The following HSPA1L variants were observed in gnomAD, a reference collection of about 807,000 sequenced individuals.
HSPA1L encodes the protein heat shock 70 kDa protein 1-like.
A neutral mutation model predicts 31.5 loss-of-function variants in HSPA1L; 21 were observed. That is an observed-to-expected ratio of 0.67 (90% CI 0.47 to 0.96). The LOEUF (loss-of-function observed/expected upper bound fraction) is 0.96, where lower values mean the gene tolerates loss of function less well. HSPA1L is among the 40% of genes least tolerant of loss of function. The pLI, the probability that HSPA1L is intolerant of heterozygous loss-of-function variation, is 0.00. For synonymous variants in HSPA1L, 293 were observed against 323.1 expected, an observed-to-expected ratio of 0.91 and a Z score of 1.00; for missense variants, 709 against 813.4, an observed-to-expected ratio of 0.87 and a Z score of 1.56.
At position 31,810,526 on chromosome 6, in the gene HSPA1L, C is replaced by T; in HGVS notation, c.1447G>A (p.Asp483Asn). The change falls in exon 2 of 2, where the codon GAT becomes AAT. Residue 483 changes from aspartate (D) to asparagine (N), a missense_variant. By Grantham distance (23) the Asp-to-Asn change is conservative. Coordinates refer to ENST00000375654, the MANE Select transcript of HSPA1L (RefSeq NM_005527.4). ...GTGACATTGAGAATACCATTGGCAT[C>T]AATGTCAAACGTCACCTCGATCTGA... ...VPQIEVTFDI[D>N]ANGILNVTAT... 6.2e-7 allele frequency: 1 copy of T among 1,613,178 alleles called. No homozygotes were observed. The highest frequency in any genetic ancestry group is 1.1e-5 in the South Asian group (1 of 90,978).
chr6:31,811,182 C>T lies in HSPA1L; in HGVS notation c.791G>A (p.Arg264Gln), dbSNP rs750295996. 3.5e-5 allele frequency: 57 copies of T among 1,614,080 alleles called. No individual in the cohort carries two copies. The highest frequency in any genetic ancestry group is 1.6e-4 in the African/African-American group (12 of 74,924). The change falls in exon 2 of 2, where the codon CGG becomes CAG. Residue 264 changes from arginine (R) to glutamine (Q), a missense_variant. Arg to Gln is a conservative substitution (Grantham distance 43, BLOSUM62 1). Coordinates refer to ENST00000375654, the MANE Select transcript of HSPA1L (RefSeq NM_005527.4). ...DISQNKRAVR[R>Q]LRTACERAKR... is the part of the protein sequence containing the mutation. Reference sequence around the variant, plus strand: ...GGCCCTCTCGCAGGCGGTGCGCAGCCGCCTCACGGCTCGCTTGTTCTGGCT... The same window carrying T: ...GGCCCTCTCGCAGGCGGTGCGCAGCTGCCTCACGGCTCGCTTGTTCTGGCT...
At position 31,815,029 on chromosome 6, in the gene HSPA1L, A is replaced by T. The variant is rs1161759537; in HGVS notation, c.-154T>A. 1 of 737,508 alleles carries T rather than the reference A, an allele frequency of 1.4e-6. No individual in the cohort carries two copies. Among genetic ancestry groups the T allele is most frequent in the East Asian group, 1.6e-4 (1 of 6,206 alleles). The allele number at this position is 737,508 out of a possible 1,614,324, so 45.7% of individuals were successfully genotyped here. ...CCCCGTCCCTCCCTGCAAATTTGAG[A>T]CGGCTCCAACTCAGTAATCTTTTTC... On this transcript the variant is annotated 5_prime_UTR_variant, in exon 1 of 2. Coordinates refer to ENST00000375654, the MANE Select transcript of HSPA1L (RefSeq NM_005527.4).
chr6:31,812,939 A>C (rs1815536419), intron 1 of HSPA1L, among the ~76,000 whole-genome samples: 1 of 151,790 alleles, frequency 6.6e-6, no homozygotes, highest in Non-Finnish European at 1.5e-5. Context: ...CTTTTGTCTC[A>C]GCCTCCCAAG....
Position 31,814,908 on chromosome 6 carries a change from G to T in HSPA1L, c.-33C>A. On this transcript the variant is annotated 5_prime_UTR_variant, in exon 1 of 2. Coordinates refer to ENST00000375654, the MANE Select transcript of HSPA1L (RefSeq NM_005527.4). ...GCTCACCTAGTCTCCCGACGCCTTC[G>T]CTTCAGTTTGGAAACGTCCAGATTA... is the stretch of plus-strand genomic sequence containing the variant. 1.0e-6 allele frequency: 1 copy of T among 985,434 alleles called. No individual in the cohort carries two copies. Among genetic ancestry groups the T allele is most frequent in the Non-Finnish European group, 1.2e-6 (1 of 830,062 alleles). 61.0% of individuals were successfully genotyped at this position (985,434 alleles called of 1,614,324 possible).
intron 1 of HSPA1L, 31 bp from the exon 2 acceptor site, chr6:31,812,016 G>A (rs1379559640): frequency 5.0e-6 from 8 of 1,593,464 alleles, no homozygotes; most frequent in Non-Finnish European, 6.0e-6. Context: ...ACTGTTTTGG[G>A]AGAGTGCTTT....
rs1274664282 is a variant in HSPA1L, at chr6:31,815,252, C to G, written c.-377G>C. 2.0e-5 allele frequency among the ~76,000 whole-genome samples: 3 copies of G among 152,144 alleles called. No individual in the cohort carries two copies. The highest frequency in any genetic ancestry group is 4.4e-5 in the Non-Finnish European group (3 of 68,038). On this transcript the variant is annotated 5_prime_UTR_variant, in exon 1 of 2. Transcript: ENST00000375654. ...CCTTCCTGTCAATTAGGCGCTGAAG[C>G]GCAGGCGGTCAGCATCGCCATGGAG...
chr6:31,814,802 C>A (rs1049790917), intron 1 of HSPA1L, 87 bp downstream of exon 1: 3 of 728,166 alleles, frequency 4.1e-6, no homozygotes, highest in Non-Finnish European at 5.0e-6. Context: ...CAGGCTTAAA[C>A]CAACTAGGGA....
chr6:31,812,972 C>A (rs529835528), intron 1 of HSPA1L, among the ~76,000 whole-genome samples: 1 of 152,186 alleles, frequency 6.6e-6, no homozygotes, highest in South Asian at 2.1e-4. Flanking sequence ...CAGGTGAATG[C>A]CACCACACCC....
chr6:31,810,408 A>C lies in HSPA1L; in HGVS notation c.1565T>G (p.Leu522Arg). 6.2e-7 allele frequency: 1 copy of C among 1,613,698 alleles called. No homozygotes were observed. The highest frequency in any genetic ancestry group is 1.1e-5 in the South Asian group (1 of 91,044). ...LSKEEIERMV[L>R]DAEKYKAEDE... is the part of the protein sequence containing the mutation. ...TTCAGCTTTATATTTCTCAGCATCCAGAACCATGCGCTCAATCTCCTCCTT... is the reference window on the plus strand; with the variant it reads ...TTCAGCTTTATATTTCTCAGCATCCCGAACCATGCGCTCAATCTCCTCCTT... Residue 522 changes from leucine (L) to arginine (R), a missense_variant, in exon 2 of 2, where the codon CTG (leucine) becomes CGG (arginine). By Grantham distance (102) the Leu-to-Arg change is moderately radical. Transcript: ENST00000375654.
In HSPA1L at chr6:31,810,332, A is replaced by G. The variant is rs1411193287; in HGVS notation, c.1641T>C (p.Tyr547=). 2 of 1,597,228 alleles carry G rather than the reference A, an allele frequency of 1.3e-6. No homozygotes were observed. The highest frequency in any genetic ancestry group is 1.7e-6 in the Non-Finnish European group (2 of 1,173,118). Residue 547 remains tyrosine, a synonymous_variant, in exon 2 of 2, where the codon TAT becomes TAC. Transcript: ENST00000375654. The part of the protein sequence containing the change: ...KIAAKNALES[Y]AFNMKSVVSD... Reference sequence around the variant, plus strand: ...TCACAACACTCTTCATGTTAAAAGCATAGGATTCTAAGGCATTCTTTGCAG... The same window carrying G: ...TCACAACACTCTTCATGTTAAAAGCGTAGGATTCTAAGGCATTCTTTGCAG...
intron 1 of HSPA1L, among the ~76,000 whole-genome samples, chr6:31,813,420 T>G (rs767124479): frequency 4.6e-5 from 7 of 152,196 alleles, no homozygotes; most frequent in Non-Finnish European, 1.0e-4. Context: ...TTCTCCAGCC[T>G]CAGCCTCCCG....
In HSPA1L at chr6:31,810,430, C is replaced by T; in HGVS notation, c.1543G>A (p.Glu515Lys). ...TCCAGAACCATGCGCTCAATCTCCT[C>T]CTTGCTCAGGCGGCCCTTGTCATTG... is the stretch of plus-strand genomic sequence containing the variant. ...ITNDKGRLSK[E>K]EIERMVLDAE... The change falls in exon 2 of 2, where the codon GAG becomes AAG. Residue 515 changes from glutamate (E) to lysine (K), a missense_variant. Coordinates refer to ENST00000375654, the MANE Select transcript of HSPA1L (RefSeq NM_005527.4). The T allele has an allele frequency of 1.2e-6, 2 of 1,614,002 alleles. No individual in the cohort carries two copies. Among genetic ancestry groups the T allele is most frequent in the South Asian group, 1.1e-5 (1 of 91,072 alleles).
At chr6:31,812,101 T>C in intron 1 of HSPA1L, 116 bp from the exon 2 acceptor site, 1 of 1,284,616 alleles carries the variant, frequency 7.8e-7, no homozygotes, top group Non-Finnish European at 1.1e-6. Context: ...CAGTCATAGC[T>C]CACTGCAGCT....
In HSPA1L at chr6:31,811,303, T is replaced by C; in HGVS notation, c.670A>G (p.Thr224Ala). 1 of 1,614,194 alleles carries C rather than the reference T, an allele frequency of 6.2e-7. No homozygotes were observed. The highest frequency in any genetic ancestry group is 8.5e-7 in the Non-Finnish European group (1 of 1,180,038). The change falls in exon 2 of 2, where the codon ACT (threonine) becomes GCT (alanine). Residue 224 changes from threonine (T) to alanine (A), a missense_variant. By Grantham distance (58) the Thr-to-Ala change is moderately conservative. Coordinates refer to ENST00000375654, the MANE Select transcript of HSPA1L (RefSeq NM_005527.4). ...CCACCCAGGTGAGTGTCCCCAGCAGTGGCCTTTACCTCAAAAATCCCATCA... is the reference window on the plus strand; with the variant it reads ...CCACCCAGGTGAGTGTCCCCAGCAGCGGCCTTTACCTCAAAAATCCCATCA... ...IDDGIFEVKA[T>A]AGDTHLGGED...
chr6:31,814,849 C>G, intron 1 of HSPA1L, 40 bp downstream of exon 1: 1 of 967,942 alleles, frequency 1.0e-6, no homozygotes, highest in Non-Finnish European at 1.2e-6. Context: ...ACCTACTGAG[C>G]CTTTCAGGTT....
intron 1 of HSPA1L, among the ~76,000 whole-genome samples, chr6:31,814,004 C>G (rs760503031): frequency 2.6e-5 from 4 of 152,224 alleles, no homozygotes; most frequent in Non-Finnish European, 5.9e-5. Context: ...AAGATGACTG[C>G]TAGAAAACCA....
intron 1 of HSPA1L, among the ~76,000 whole-genome samples, chr6:31,813,614 C>T (rs951461822): frequency 6.6e-6 from 1 of 152,168 alleles, no homozygotes; most frequent in Non-Finnish European, 1.5e-5. Context: ...GGCCTATATA[C>T]ATTTTGCTTA....
chr6:31,813,289 A>AT (rs1477642359), intron 1 of HSPA1L, among the ~76,000 whole-genome samples: 2 of 152,088 alleles, frequency 1.3e-5, no homozygotes, highest in African/African-American at 4.8e-5. Context: ...AGTAATATTC[A>AT]TATTTATATA....
In HSPA1L at chr6:31,811,009, C is replaced by T. The variant is rs779447554; in HGVS notation, c.964G>A (p.Ala322Thr). 70 of 1,614,040 alleles carry T rather than the reference C, an allele frequency of 4.3e-5. No homozygotes were observed. The highest frequency in any genetic ancestry group is 5.5e-5 in the Non-Finnish European group (65 of 1,180,018). ...TTATCCATCTTGGCATCCCGAAGCG[C>T]TTTTTCTACAGGCTCCAGGGTACCC... ...FRGTLEPVEK[A>T]LRDAKMDKAK... Residue 322 changes from alanine (A) to threonine (T), a missense_variant, in exon 2 of 2, where the codon GCG becomes ACG. Transcript: ENST00000375654.
Sources: allele counts gnomAD v4.1 joint callset (sites outside exome capture counted in the v4.1 genomes callset), GRCh38; gene constraint gnomAD v4.1.1; transcripts MANE v1.5; gene names NCBI Gene and HGNC (gene_info 2026-07-23, HGNC 2026-07-21).